PCDHGB4: variants seen among roughly 807,000 people sequenced by gnomAD.
The protein encoded by PCDHGB4 is protocadherin gamma subfamily B, 4.
PCDHGB4 carries 38 observed loss-of-function variants against 60.5 expected under a neutral mutation model. That is an observed-to-expected ratio of 0.63 (90% confidence interval 0.48 to 0.82). PCDHGB4 has a LOEUF of 0.82. Ranked by LOEUF, PCDHGB4 falls within the 40% of genes least tolerant of loss-of-function variation. The pLI is 0.00. For synonymous variants in PCDHGB4, 456 were observed against 509.7 expected (o/e 0.89, Z 1.42); for missense variants, 1,109 against 1,209.6 (o/e 0.92, Z 1.23).
In PCDHGB4 at chr5:141,432,958, A is replaced by C; in HGVS notation, c.2397+42677A>C. 6.2e-7 allele frequency: 1 copy of C among 1,614,182 alleles called. No individual in the cohort carries two copies. Among genetic ancestry groups the C allele is most frequent in the African/African-American group, 1.3e-5 (1 of 75,056 alleles). On this transcript the variant is annotated intron_variant, in intron 1 of 3. Transcript: ENST00000519479. This position sits in a 1 kb window ranked among gnomAD's most constrained non-coding sequence, Gnocchi z 6.0. ...TGCAGGCTTCAGGAGGCGGCTTGAC[A>C]GGAGCGCCGGCGTCGCACTTTGTGG...
chr5:141,414,843 G>T (rs2095794241), intron 1 of PCDHGB4: 1 of 1,614,100 alleles, frequency 6.2e-7, no homozygotes, highest in Admixed American at 1.7e-5. Context: ...GCCTGTTTGT[G>T]CTGGACCAGA....
At chr5:141,415,083 G>A (rs747351388) in intron 1 of PCDHGB4, 4 of 1,613,514 alleles carry the variant, frequency 2.5e-6, no homozygotes, top group Non-Finnish European at 3.4e-6. Context: ...CGCGAGCCCT[G>A]CTGGACAGAG....
chr5:141,450,052 G>C (rs2098667259), intron 1 of PCDHGB4, among the ~76,000 whole-genome samples: 1 of 141,832 alleles, frequency 7.1e-6, no homozygotes, highest in African/African-American at 2.7e-5. Flanking sequence ...TTTCGCCCAG[G>C]CTGGAATGCA....
intron 1 of PCDHGB4, chr5:141,403,609 G>A (rs1434656385): frequency 6.2e-7 from 1 of 1,613,870 alleles, no homozygotes; most frequent in South Asian, 1.1e-5. Flanking sequence ...ATGGCGGCGA[G>A]CCGCGTCGCT....
chr5:141,485,525 C>A lies in PCDHGB4; in HGVS notation c.2398-9282C>A. On this transcript the variant is annotated intron_variant, in intron 1 of 3. Transcript: ENST00000519479. This position sits in a 1 kb window ranked among gnomAD's most constrained non-coding sequence, Gnocchi z 5.7. ...CACCGAAGGTCCTTTGGAAATGTAC[C>A]GAGCAGAGGTAGAGATCGTAGATGT... The A allele has an allele frequency of 5.6e-6, 9 of 1,614,122 alleles. No individual in the cohort carries two copies. Among genetic ancestry groups the A allele is most frequent in the Non-Finnish European group, 7.6e-6 (9 of 1,180,022 alleles).
chr5:141,449,475 C>T (rs1351574160), intron 1 of PCDHGB4, among the ~76,000 whole-genome samples: 8 of 150,696 alleles, frequency 5.3e-5, no homozygotes, highest in African/African-American at 1.9e-4. Flanking sequence ...GGCCTGGTAC[C>T]CCATGCCTAA....
At position 141,511,187 on chromosome 5, in the gene PCDHGB4, C is replaced by T; in HGVS notation, c.*14C>T. The stretch of plus-strand genomic sequence containing the variant: ...GAGAAGAAGTAACATGGAGGCCAGG[C>T]CAAGAGCCACAGGGCGGCCTCTCCC... On this transcript the variant is annotated 3_prime_UTR_variant, in exon 4 of 4. Transcript: ENST00000519479. The T allele has an allele frequency of 1.2e-6, 2 of 1,613,868 alleles. No homozygotes were observed. The highest frequency in any genetic ancestry group is 1.7e-6 in the Non-Finnish European group (2 of 1,179,878).
Position 141,491,665 on chromosome 5 carries a change from C to G in PCDHGB4, c.2398-3142C>G. The stretch of plus-strand genomic sequence containing the variant: ...TCTGGCGCTGGAGCCTGACGCCATC[C>G]GGTCCCGCTCTAATACGCTGCGGGA... On this transcript the variant is annotated intron_variant, in intron 1 of 3. Transcript: ENST00000519479. This position sits in a 1 kb window ranked among gnomAD's most constrained non-coding sequence, Gnocchi z 6.9. 1 of 1,613,764 alleles carries G rather than the reference C, an allele frequency of 6.2e-7. No homozygotes were observed. Among genetic ancestry groups the G allele is most frequent in the Non-Finnish European group, 8.5e-7 (1 of 1,180,000 alleles).
chr5:141,428,090 G>A (rs1415146154), intron 1 of PCDHGB4: 1 of 1,608,870 alleles, frequency 6.2e-7, no homozygotes, highest in Non-Finnish European at 8.5e-7. Flanking sequence ...ACGCTTGGCT[G>A]TCCTACCACG....
intron 1 of PCDHGB4, among the ~76,000 whole-genome samples, chr5:141,402,158 G>A (rs1276790302): frequency 2.0e-5 from 3 of 151,990 alleles, no homozygotes; most frequent in Non-Finnish European, 2.9e-5. Context: ...AATATTAGGC[G>A]AGAACATCTG....
At chr5:141,404,328 T>G (rs1300173055) in intron 1 of PCDHGB4, 3 of 1,613,902 alleles carry the variant, frequency 1.9e-6, no homozygotes, top group Non-Finnish European at 2.5e-6. Flanking sequence ...TCCTACTCAG[T>G]CTACCTCCCG....
rs1164046040 is a variant in PCDHGB4, at chr5:141,476,557, C to A, written c.2398-18250C>A. ...AAATGAAATTGGAGATTAGCGAGGC[C>A]GTGGCTCCGGGGACGCGCTTTCCGC... is the stretch of plus-strand genomic sequence containing the variant. On this transcript the variant is annotated intron_variant, in intron 1 of 3. Transcript: ENST00000519479. This position sits in a 1 kb window ranked among gnomAD's most constrained non-coding sequence, Gnocchi z 7.6. The A allele has an allele frequency of 2.5e-6, 4 of 1,614,222 alleles. No individual in the cohort carries two copies. Among genetic ancestry groups the A allele is most frequent in the Admixed American group, 3.3e-5 (2 of 60,032 alleles).
At position 141,476,638 on chromosome 5, in the gene PCDHGB4, G is replaced by A. The variant is rs997136356; in HGVS notation, c.2398-18169G>A. On this transcript the variant is annotated intron_variant, in intron 1 of 3. Transcript: ENST00000519479. This position sits in a 1 kb window ranked among gnomAD's most constrained non-coding sequence, Gnocchi z 7.6. ...GCAACTCTTTACAAACCTATGAGCT[G>A]AGCCGAAATGAATACTTTGCGCTTC... 1.9e-6 allele frequency: 3 copies of A among 1,614,268 alleles called. No homozygotes were observed. Among genetic ancestry groups the A allele is most frequent in the Middle Eastern group, 1.6e-4 (1 of 6,062 alleles).
chr5:141,430,754 A>G (rs778266116), intron 1 of PCDHGB4: 26 of 1,503,884 alleles, frequency 1.7e-5, no homozygotes, highest in East Asian at 4.6e-5. Flanking sequence ...CTGGAGGAAG[A>G]TAAGAATGAT....
At chr5:141,418,316 A>G in intron 1 of PCDHGB4, 1 of 1,614,026 alleles carries the variant, frequency 6.2e-7, no homozygotes, top group Non-Finnish European at 8.5e-7. Context: ...GATGGGAACA[A>G]TTCTTGAGTC....
intron 1 of PCDHGB4, chr5:141,405,448 C>A: frequency 5.3e-6 from 7 of 1,314,660 alleles, no homozygotes; most frequent in South Asian, 1.3e-5. Context: ...GAGACAGAGT[C>A]TTACTCTGTT....
At chr5:141,407,286 T>A (rs1409712341) in intron 1 of PCDHGB4, among the ~76,000 whole-genome samples, 1 of 152,234 alleles carries the variant, frequency 6.6e-6, no homozygotes, top group Non-Finnish European at 1.5e-5. Flanking sequence ...TTGTTACAAT[T>A]TCTGTTCTGA....
intron 1 of PCDHGB4, chr5:141,395,373 G>A (rs2150613921): frequency 1.7e-6 from 2 of 1,189,412 alleles, no homozygotes; most frequent in African/African-American, 3.1e-5. Context: ...TATTTTGGTG[G>A]TGTTACTATA....
intron 1 of PCDHGB4, among the ~76,000 whole-genome samples, chr5:141,402,737 G>T (rs948478466): frequency 3.9e-5 from 6 of 152,276 alleles, no homozygotes; most frequent in East Asian, 1.9e-4. Context: ...CGCCGCTGTT[G>T]ATCAACTCTA....
Sources: allele counts gnomAD v4.1 joint callset (sites outside exome capture counted in the v4.1 genomes callset), GRCh38; gene constraint gnomAD v4.1.1; non-coding constraint Gnocchi (gnomAD v3.1); transcripts MANE v1.5; gene names NCBI Gene and HGNC (gene_info 2026-07-23, HGNC 2026-07-21).